The following NAA35 variants were observed in gnomAD, a reference collection of about 807,000 sequenced individuals.
NAA35 encodes the protein MAK10 homolog, amino-acid N-acetyltransferase subunit.
NAA35 carries 18 observed loss-of-function variants against 101.7 expected under a neutral mutation model. That is an observed-to-expected ratio of 0.18 (90% CI 0.12 to 0.26). The LOEUF (loss-of-function observed/expected upper bound fraction) is 0.26, where lower values mean the gene tolerates loss of function less well. NAA35 is among the 10% of genes least tolerant of loss of function. The probability of loss-of-function intolerance (pLI) is 1.00; values close to 1 mark genes in which losing one functional copy is unlikely to be tolerated. For missense variants in NAA35, 601 were observed against 886.8 expected, an observed-to-expected ratio of 0.68 and a Z score of 4.09; for synonymous variants, 267 against 273.1, an observed-to-expected ratio of 0.98 and a Z score of 0.22.
intron 3 of NAA35, among the ~76,000 whole-genome samples, chr9:85,957,005 A>T (rs1338289451): frequency 6.6e-6 from 1 of 152,106 alleles, no homozygotes; most frequent in Non-Finnish European, 1.5e-5. Context: ...AGAGTCTTTA[A>T]AACAAACCAC....
At chr9:85,999,525 G>A (rs754370640) in intron 12 of NAA35, among the ~76,000 whole-genome samples, 2 of 152,184 alleles carry the variant, frequency 1.3e-5, no homozygotes, top group Non-Finnish European at 2.9e-5. Context: ...TGATATTGAA[G>A]GCTAAGTTGT....
chr9:86,021,080 C>A, intron 22 of NAA35, 111 bp downstream of exon 22: 1 of 755,636 alleles, frequency 1.3e-6, no homozygotes, highest in Non-Finnish European at 2.0e-6. Context: ...GAACAAAAAT[C>A]ATTCTAAAAA....
At chr9:85,957,569 T>C (rs1204083929) in intron 3 of NAA35, among the ~76,000 whole-genome samples, 1 of 152,178 alleles carries the variant, frequency 6.6e-6, no homozygotes, top group East Asian at 1.9e-4. Context: ...CTCCCAACAC[T>C]GCCGCATTGG....
intron 13 of NAA35, among the ~76,000 whole-genome samples, chr9:86,005,874 T>TA (rs879527183): frequency 6.7e-4 from 98 of 145,706 alleles, no homozygotes; most frequent in Admixed American, 1.3e-3. Context: ...AGAATATCTT[T>TA]AAAAAAAAAA....
chr9:85,989,207 TC>T (rs1469448445), intron 11 of NAA35, among the ~76,000 whole-genome samples: 1 of 151,986 alleles, frequency 6.6e-6, no homozygotes, highest in Non-Finnish European at 1.5e-5. Context: ...GCGTGGTGGC[TC>T]ACGCCTGTAA....
chr9:86,022,146 T>C lies in NAA35; in HGVS notation c.*186T>C. 1.9e-6 allele frequency: 1 copy of C among 520,634 alleles called. No individual in the cohort carries two copies. The highest frequency in any genetic ancestry group is 3.4e-6 in the Non-Finnish European group (1 of 296,780). The allele number at this position is 520,634 out of a possible 1,614,324, so 32.3% of individuals were successfully genotyped here. On this transcript the variant is annotated 3_prime_UTR_variant, in exon 23 of 23. Coordinates refer to ENST00000361671, the MANE Select transcript of NAA35 (RefSeq NM_024635.4). ...AATGAAAACTGCTGTTTTAAAGTGG[T>C]TTATTATGTTCCATGGAAGAAACTG...
Position 85,956,370 on chromosome 9 carries a change from G to T in NAA35, c.135G>T (p.Leu45Phe). 7.3e-7 allele frequency: 1 copy of T among 1,378,300 alleles called. No homozygotes were observed. The highest frequency in any genetic ancestry group is 1.4e-5 in the South Asian group (1 of 73,498). The allele number at this position is 1,378,300 out of a possible 1,614,324, so 85.4% of individuals were successfully genotyped here. The change falls in exon 3 of 23, where the codon TTG becomes TTT. Residue 45 changes from leucine (L) to phenylalanine (F), a missense_variant. This residue lies in a region of NAA35 where 67 missense variants were observed against 62.4 expected (regional missense o/e 1.07). Coordinates refer to ENST00000361671, the MANE Select transcript of NAA35 (RefSeq NM_024635.4). Reference protein sequence around the residue: ...DFEEACRELKLGELLHDKLFG... With the variant: ...DFEEACRELKFGELLHDKLFG... ...TCTTTTTTTTTTTAGAATTAAAGTT[G>T]GGAGAACTACTTCATGATAAGCTGT...
chr9:85,974,771 A>G (rs543896246), intron 6 of NAA35, among the ~76,000 whole-genome samples, 196 bp from the exon 7 acceptor site: 112 of 152,270 alleles, frequency 7.4e-4, no homozygotes, highest in African/African-American at 2.6e-3. Context: ...ACATTTGAAT[A>G]TGGTGTTTTA....
rs13289420 is a variant in NAA35, at chr9:86,022,327, T to A, written c.*367T>A. On this transcript the variant is annotated 3_prime_UTR_variant, in exon 23 of 23. Transcript: ENST00000361671. ...ACTGCTGGAGATGAAAAACAGTAGG[T>A]CTTTGTCCATGTTAAGAACTGAAGA... 1 of 164,544 alleles carries A rather than the reference T, an allele frequency of 6.1e-6. No homozygotes were observed. The highest frequency in any genetic ancestry group is 1.8e-4 in the East Asian group (1 of 5,646). 10.2% of individuals were successfully genotyped at this position (164,544 alleles called of 1,614,324 possible). A position where few individuals can be genotyped will look rare whatever the true frequency, so the allele number is the denominator to read the frequency against.
chr9:86,006,549 A>G (rs530882182), intron 13 of NAA35, among the ~76,000 whole-genome samples: 192 of 152,326 alleles, frequency 1.3e-3, no homozygotes, highest in African/African-American at 4.4e-3. Context: ...GCTGGACTCA[A>G]AAGGCTATAT....
chr9:85,967,971 A>G (rs1829837126), intron 6 of NAA35, among the ~76,000 whole-genome samples: 1 of 151,968 alleles, frequency 6.6e-6, no homozygotes. Context: ...CTATCAAACT[A>G]CTTTTCTTTT....
intron 17 of NAA35, chr9:86,015,611 G>T: frequency 8.2e-6 from 4 of 488,476 alleles, no homozygotes; most frequent in Non-Finnish European, 1.1e-5. Context: ...GTGAACTGCT[G>T]CTGGCCCAGA....
chr9:86,022,357 G>A lies in NAA35; in HGVS notation c.*397G>A, dbSNP rs189678293. On this transcript the variant is annotated 3_prime_UTR_variant, in exon 23 of 23. Coordinates refer to ENST00000361671, the MANE Select transcript of NAA35 (RefSeq NM_024635.4). ...GTCCATGTTAAGAACTGAAGAAGGT[G>A]TATGCTCTTTAACATTTGAGTAGTT... 250 of 155,426 alleles carry A rather than the reference G, an allele frequency of 1.6e-3. 1 individual carries two copies. The highest frequency in any genetic ancestry group is 3.8e-3 in the African/African-American group (157 of 41,482). 9.6% of individuals were successfully genotyped at this position (155,426 alleles called of 1,614,324 possible).
chr9:85,949,698 C>T (rs964593825), intron 2 of NAA35, among the ~76,000 whole-genome samples: 1 of 151,976 alleles, frequency 6.6e-6, no homozygotes, highest in Non-Finnish European at 1.5e-5. Context: ...ATCATTACAA[C>T]TATGGCTTGA....
At chr9:86,016,415 T>G (rs1832226280) in intron 17 of NAA35, 124 bp from the exon 18 acceptor site, 2 of 740,146 alleles carry the variant, frequency 2.7e-6, no homozygotes, top group Non-Finnish European at 4.2e-6. Flanking sequence ...TAATCTATTA[T>G]CTAATGAATG....
rs1486143366 is a variant in NAA35, at chr9:86,022,922, G to A, written c.*962G>A. On this transcript the variant is annotated 3_prime_UTR_variant, in exon 23 of 23. Coordinates refer to ENST00000361671, the MANE Select transcript of NAA35 (RefSeq NM_024635.4). Reference sequence around the variant, plus strand: ...GCAGGCAATACTCTTAGCAAAATGAGTTACTCTGTGGTGTAAATTGGCTTT... The same window carrying A: ...GCAGGCAATACTCTTAGCAAAATGAATTACTCTGTGGTGTAAATTGGCTTT... Among the ~76,000 whole-genome samples, 2 of 152,188 alleles carry A rather than the reference G, an allele frequency of 1.3e-5. No individual in the cohort carries two copies. Among genetic ancestry groups the A allele is most frequent in the Non-Finnish European group, 2.9e-5 (2 of 68,038 alleles).
chr9:85,941,618 C>CCTAG (rs1828520331), intron 1 of NAA35: 5 of 986,322 alleles, frequency 5.1e-6, no homozygotes, highest in Non-Finnish European at 6.0e-6. Context: ...GTGCCTCGGC[C>CCTAG]CTAGGCCCGG....
chr9:86,015,857 G>A (rs1408287735), intron 17 of NAA35: 2 of 815,014 alleles, frequency 2.5e-6, no homozygotes, highest in Non-Finnish European at 3.0e-6. Context: ...TATATGAGTT[G>A]TTATGGACTC....
chr9:85,971,874 A>C (rs1293456893), intron 6 of NAA35, among the ~76,000 whole-genome samples: 1 of 146,450 alleles, frequency 6.8e-6, no homozygotes, highest in African/African-American at 2.6e-5. Context: ...TACTCTCCCC[A>C]CTGTTGCAAT....
Sources: gnomAD v4.1 joint callset for allele counts (sites outside exome capture counted in the v4.1 genomes callset) on GRCh38, gnomAD v4.1.1 for gene constraint, gnomAD v4.1.1 regional missense constraint, MANE v1.5 for transcripts, NCBI Gene and HGNC (gene_info 2026-07-23, HGNC 2026-07-21) for gene names.